Variants in RBBP5 observed in about 807,000 individuals in gnomAD.
The protein encoded by RBBP5 is retinoblastoma-binding protein 5.
Under a neutral mutation model 72.2 loss-of-function variants are expected in RBBP5, and 5 were observed. The observed-to-expected ratio is 0.07, with a 90% CI of 0.04 to 0.15. The LOEUF (loss-of-function observed/expected upper bound fraction) is 0.15. Among genes scored for constraint, RBBP5 ranks in the 10% least tolerant of loss-of-function variants. The pLI is 1.00. For missense variants in RBBP5, 322 were observed against 652.2 expected (o/e 0.49, Z 5.51); for synonymous variants, 209 against 237.2 (o/e 0.88, Z 1.09).
intron 10 of RBBP5, among the ~76,000 whole-genome samples, chr1:205,098,770 A>AG (rs565685666): frequency 6.8e-6 from 1 of 146,932 alleles, no homozygotes; most frequent in Non-Finnish European, 1.5e-5. Context: ...ACTTGAACCC[A>AG]GGGGGCAGAG....
At position 205,097,314 on chromosome 1, in the gene RBBP5, G is replaced by T; in HGVS notation, c.1166+12C>A. 6.4e-7 allele frequency: 1 copy of T among 1,551,502 alleles called. No homozygotes were observed. Among genetic ancestry groups the T allele is most frequent in the Non-Finnish European group, 8.7e-7 (1 of 1,146,830 alleles). ...CAGTAGCCAAGGTGCCCAGCCTTCC[G>T]GGCCGGCTCACCTGCTACAGAAGGC... On this transcript the variant is annotated intron_variant, in intron 11 of 13. Coordinates refer to ENST00000264515, the MANE Select transcript of RBBP5 (RefSeq NM_005057.4).
intron 1 of RBBP5, among the ~76,000 whole-genome samples, chr1:205,116,778 C>A (rs1326271759): frequency 1.3e-5 from 2 of 152,148 alleles, no homozygotes; most frequent in Non-Finnish European, 2.9e-5. Context: ...CGTGCCACTG[C>A]ACTCCAACCT....
chr1:205,099,986 G>A lies in RBBP5; in HGVS notation c.831C>T (p.Tyr277=). The part of the protein sequence containing the change: ...VAGSARQHAL[Y]IWEKSIGNLV... The stretch of plus-strand genomic sequence containing the variant: ...GGTTGCCAATGCTCTTCTCCCAGAT[G>A]TACAGGGCATGCTGCCGGGCAGAAC... Residue 277 remains tyrosine (Y), a synonymous_variant, in exon 8 of 14, where the codon TAC becomes TAT. Coordinates refer to ENST00000264515, the MANE Select transcript of RBBP5 (RefSeq NM_005057.4). This position sits in a 1 kb window ranked among gnomAD's most constrained non-coding sequence, Gnocchi z 4.7. The A allele has an allele frequency of 6.2e-7, 1 of 1,614,172 alleles. No homozygotes were observed. The highest frequency in any genetic ancestry group is 8.5e-7 in the Non-Finnish European group (1 of 1,180,028).
chr1:205,121,822 G>A lies in RBBP5; in HGVS notation c.19+33C>T. 2.5e-6 allele frequency: 4 copies of A among 1,612,100 alleles called. 1 individual carries two copies. In the South Asian group the frequency reaches 3.3e-5, roughly 13 times the overall value. Reference sequence around the variant, plus strand: ...GGTTCCCTCCTTTCCAGTACCCAACGCTTCTCTAAAACGCAGCCACAGCCC... The same window carrying A: ...GGTTCCCTCCTTTCCAGTACCCAACACTTCTCTAAAACGCAGCCACAGCCC... On this transcript the variant is annotated intron_variant, in intron 1 of 13. Coordinates refer to ENST00000264515, the MANE Select transcript of RBBP5 (RefSeq NM_005057.4).
chr1:205,110,916 T>C (rs1165285100), intron 3 of RBBP5, among the ~76,000 whole-genome samples: 1 of 151,982 alleles, frequency 6.6e-6, no homozygotes. Context: ...ATACAAAACT[T>C]AGCCGGGCGT....
intron 5 of RBBP5, among the ~76,000 whole-genome samples, chr1:205,102,684 T>C (rs892683980): frequency 2.0e-5 from 3 of 152,228 alleles, no homozygotes; most frequent in Non-Finnish European, 2.9e-5. Flanking sequence ...GTGTATTTTA[T>C]CACAATTTCT....
At chr1:205,119,344 C>T (rs1458885052) in intron 1 of RBBP5, among the ~76,000 whole-genome samples, 1 of 152,048 alleles carries the variant, frequency 6.6e-6, no homozygotes, top group Non-Finnish European at 1.5e-5. Context: ...TGCTGTCAGC[C>T]GAGATTGTGC....
chr1:205,104,107 C>A, intron 4 of RBBP5, 88 bp from the exon 5 acceptor site: 1 of 1,375,888 alleles, frequency 7.3e-7, no homozygotes, highest in Non-Finnish European at 9.9e-7. Flanking sequence ...CTGTCCATAC[C>A]CTCATCAATT....
At chr1:205,093,519 T>C (rs1558570450) in intron 13 of RBBP5, among the ~76,000 whole-genome samples, 47 of 19,216 alleles carry the variant, frequency 2.4e-3, no homozygotes, top group African/African-American at 0.012. Flanking sequence ...TATATATATA[T>C]ATATATATAT....
chr1:205,099,712 TTTCGAAG>T lies in RBBP5; in HGVS notation c.978+22_978+28del, dbSNP rs1558573929. ...TTTGATAAAAAGAAGGGGTAACTAG[TTTCGAAG>T]CAAGTAAAATAGAATACTTACTACT... On this transcript the variant is annotated intron_variant, in intron 9 of 13. Coordinates refer to ENST00000264515, the MANE Select transcript of RBBP5 (RefSeq NM_005057.4). This position sits in a 1 kb window ranked among gnomAD's most constrained non-coding sequence, Gnocchi z 4.7. The T allele has an allele frequency of 1.3e-6, 2 of 1,569,970 alleles. No individual in the cohort carries two copies. Among genetic ancestry groups the T allele is most frequent in the Non-Finnish European group, 1.7e-6 (2 of 1,144,296 alleles).
intron 13 of RBBP5, among the ~76,000 whole-genome samples, chr1:205,089,017 C>G (rs1655234724): frequency 6.6e-6 from 1 of 152,186 alleles, no homozygotes; most frequent in Admixed American, 6.5e-5. Flanking sequence ...AAACCCCCCA[C>G]CCCAATACTT....
intron 13 of RBBP5, among the ~76,000 whole-genome samples, chr1:205,093,901 T>C (rs1331165050): frequency 6.6e-6 from 1 of 152,084 alleles, no homozygotes. Context: ...GGAGCCTGAA[T>C]ACAACCATTG....
intron 5 of RBBP5, among the ~76,000 whole-genome samples, chr1:205,103,453 G>A (rs940717238): frequency 4.6e-5 from 7 of 152,066 alleles, no homozygotes; most frequent in Admixed American, 1.3e-4. Context: ...CATTCCAAAA[G>A]GCAAAGTCAG....
At chr1:205,113,488 C>A (rs182609812) in intron 3 of RBBP5, among the ~76,000 whole-genome samples, 1 of 152,000 alleles carries the variant, frequency 6.6e-6, no homozygotes, top group Non-Finnish European at 1.5e-5. Context: ...CTATGTTGGT[C>A]TCCTGGGCTC....
In RBBP5 at chr1:205,096,765, CTCT is replaced by C. The variant is rs1655635955; in HGVS notation, c.1310_1312del (p.Lys437del). On this transcript the variant is annotated inframe_deletion, in exon 12 of 14. Transcript: ENST00000264515. Reference sequence around the variant, plus strand: ...CTGGGACCCATCTGCTGAGGACTGCCTCTTCTTCTCTGAACTAGCCCCTTCATC... The same window carrying C: ...CTGGGACCCATCTGCTGAGGACTGCCTCTTCTCTGAACTAGCCCCTTCATC... 6 of 1,614,168 alleles carry C rather than the reference CTCT, an allele frequency of 3.7e-6. No individual in the cohort carries two copies. Among genetic ancestry groups the C allele is most frequent in the South Asian group, 2.2e-5 (2 of 91,072 alleles).
At chr1:205,112,766 T>G (rs1656367889) in intron 3 of RBBP5, among the ~76,000 whole-genome samples, 1 of 151,902 alleles carries the variant, frequency 6.6e-6, no homozygotes, top group Middle Eastern at 3.2e-3. Context: ...GTCGAGACAG[T>G]ATTAGGAGGG....
At chr1:205,097,522 C>A in intron 10 of RBBP5, 127 bp from the exon 11 acceptor site, 1 of 866,714 alleles carries the variant, frequency 1.2e-6, no homozygotes, top group Non-Finnish European at 1.9e-6. Context: ...GTTCACTTCA[C>A]TTAATCATTT....
rs949893694 is a variant in RBBP5, at chr1:205,087,488, G to A, written c.*1299C>T. 7.0e-6 allele frequency: 1 copy of A among 142,042 alleles called. No individual in the cohort carries two copies. Among genetic ancestry groups the A allele is most frequent in the Non-Finnish European group, 1.5e-5 (1 of 66,720 alleles). The allele number at this position is 142,042 out of a possible 1,614,324, so 8.8% of individuals were successfully genotyped here. A position where few individuals can be genotyped will look rare whatever the true frequency, so the allele number is the denominator to read the frequency against. Reference sequence around the variant, plus strand: ...TGGGATTACAGGCGTGACCCACCACGCCCGGCTCACCAACTGATATATTTC... The same window carrying A: ...TGGGATTACAGGCGTGACCCACCACACCCGGCTCACCAACTGATATATTTC... On this transcript the variant is annotated 3_prime_UTR_variant, in exon 14 of 14. Transcript: ENST00000264515.
intron 1 of RBBP5, among the ~76,000 whole-genome samples, chr1:205,119,821 T>C (rs994542666): frequency 5.9e-5 from 9 of 152,212 alleles, no homozygotes; most frequent in Non-Finnish European, 1.2e-4. Flanking sequence ...TTATCTCCAC[T>C]TATTCCTCCT....
Sources: allele counts gnomAD v4.1 joint callset (sites outside exome capture counted in the v4.1 genomes callset), GRCh38; gene constraint gnomAD v4.1.1; non-coding constraint Gnocchi (gnomAD v3.1); transcripts MANE v1.5; gene names NCBI Gene and HGNC (gene_info 2026-07-23, HGNC 2026-07-21).